Variants in JAKMIP1 observed in about 807,000 individuals in gnomAD.
JAKMIP1 encodes the protein janus kinase and microtubule interacting protein 1, also known as janus kinase and microtubule-interacting protein 1.
A neutral mutation model predicts 113.0 loss-of-function variants in JAKMIP1; 33 were observed. That is an observed-to-expected ratio of 0.29 (90% CI 0.22 to 0.39). The LOEUF (loss-of-function observed/expected upper bound fraction) is 0.39, where lower values mean the gene tolerates loss of function less well. Ranked by LOEUF, JAKMIP1 falls within the 10% of genes least tolerant of loss-of-function variation. The pLI is 1.00. For synonymous variants in JAKMIP1, 480 were observed against 459.9 expected (o/e 1.04, Z -0.56); for missense variants, 813 against 1,080.5 (o/e 0.75, Z 3.47).
chr4:6,099,320 G>T (rs1712611982), intron 3 of JAKMIP1, among the ~76,000 whole-genome samples: 1 of 151,976 alleles, frequency 6.6e-6, no homozygotes, highest in East Asian at 1.9e-4. Flanking sequence ...CTCTTTTAGT[G>T]CAAACAGATT....
chr4:6,121,598 C>T (rs969025597), intron 1 of JAKMIP1, among the ~76,000 whole-genome samples: 6 of 152,236 alleles, frequency 3.9e-5, no homozygotes, highest in African/African-American at 9.6e-5. Context: ...AGGCTGCCCC[C>T]GGACCTAGCA....
chr4:6,046,639 G>C (rs1715035558), intron 16 of JAKMIP1, among the ~76,000 whole-genome samples: 1 of 152,188 alleles, frequency 6.6e-6, no homozygotes, highest in African/African-American at 2.4e-5. Context: ...GGCGAGCAGA[G>C]CATGGTGAGG....
chr4:6,029,830 A>T (rs1276352738), intron 19 of JAKMIP1, 49 bp from the exon 20 acceptor site: 1 of 1,292,952 alleles, frequency 7.7e-7, no homozygotes, highest in Non-Finnish European at 1.1e-6. Flanking sequence ...TTCCAGGTTT[A>T]AAAACTCTGT....
At chr4:6,161,468 C>T (rs897047414) in intron 1 of JAKMIP1, among the ~76,000 whole-genome samples, 2 of 152,120 alleles carry the variant, frequency 1.3e-5, no homozygotes, top group Non-Finnish European at 2.9e-5. Context: ...GAGCCACACC[C>T]GCCTGAACGG....
chr4:6,166,846 C>A (rs1167356474), intron 1 of JAKMIP1, among the ~76,000 whole-genome samples: 1 of 152,130 alleles, frequency 6.6e-6, no homozygotes, highest in Non-Finnish European at 1.5e-5. Flanking sequence ...TGGTCTTGGG[C>A]AAGTTTCTTA....
intron 1 of JAKMIP1, among the ~76,000 whole-genome samples, chr4:6,159,984 C>T (rs1328455236): frequency 6.6e-6 from 1 of 152,120 alleles, no homozygotes; most frequent in Non-Finnish European, 1.5e-5. Context: ...CAGACACTCA[C>T]GGACGTCACA....
Position 6,162,687 on chromosome 4 carries a change from TA to T in JAKMIP1, c.-148+37565del, listed in dbSNP as rs1173091618. 6.6e-6 allele frequency among the ~76,000 whole-genome samples: 1 copy of T among 152,186 alleles called. No individual in the cohort carries two copies. The highest frequency in any genetic ancestry group is 1.9e-4 in the East Asian group (1 of 5,198). Reference sequence around the variant, plus strand: ...CGACAACCTGTTAAGGGCACAGCATTACCATCATTATCATCGTTCCCACTTT... The same window carrying T: ...CGACAACCTGTTAAGGGCACAGCATTCCATCATTATCATCGTTCCCACTTT... On this transcript the variant is annotated intron_variant, in intron 1 of 20. Transcript: ENST00000409021. This position sits in a 1 kb window ranked among gnomAD's most constrained non-coding sequence, Gnocchi z 5.6.
chr4:6,053,892 C>G, intron 13 of JAKMIP1, 158 bp downstream of exon 13: 3 of 1,520,260 alleles, frequency 2.0e-6, no homozygotes, highest in Non-Finnish European at 2.6e-6. Flanking sequence ...TCTGAACATA[C>G]AGATTTAAAA....
At position 6,081,775 on chromosome 4, in the gene JAKMIP1, C is replaced by G. The variant is rs748879792; in HGVS notation, c.955-20G>C. 2.5e-6 allele frequency: 4 copies of G among 1,613,934 alleles called. No individual in the cohort carries two copies. The highest frequency in any genetic ancestry group is 1.3e-5 in the African/African-American group (1 of 74,924). On this transcript the variant is annotated intron_variant, in intron 5 of 20. Coordinates refer to ENST00000409021, the MANE Select transcript of JAKMIP1 (RefSeq NM_001099433.2). This position sits in a 1 kb window ranked among gnomAD's most constrained non-coding sequence, Gnocchi z 4.6. ...TTTCAGCTGTGGTTGGAAACAGACA[C>G]AGAGGCTCAGACAACTTGACGACGG...
rs902589840 is a variant in JAKMIP1, at chr4:6,181,896, G to C, written c.-148+18357C>G. Among the ~76,000 whole-genome samples the C allele has an allele frequency of 6.6e-6, 1 of 152,054 alleles. No individual in the cohort carries two copies. The highest frequency in any genetic ancestry group is 1.5e-5 in the Non-Finnish European group (1 of 68,022). On this transcript the variant is annotated intron_variant, in intron 1 of 20. Transcript: ENST00000409021. The surrounding 1 kb of genome is among the most constrained non-coding windows in gnomAD (Gnocchi z 5.4). ...CAGACAGATGTACAGGGAGGGACCC[G>C]CCCTGGCCTTGGGAGGATGGGTGAT...
Position 6,097,100 on chromosome 4 carries a change from C to G in JAKMIP1, c.624+8373G>C, listed in dbSNP as rs1006601629. Among the ~76,000 whole-genome samples the G allele has an allele frequency of 2.0e-5, 3 of 152,284 alleles. No individual in the cohort carries two copies. Among genetic ancestry groups the G allele is most frequent in the Middle Eastern group, 3.4e-3 (1 of 294 alleles). ...CACAGTAGCCTCAATCTGCTGGCTT[C>G]AAGCAATCCTCCCACCTGGGCCTCC... is the stretch of plus-strand genomic sequence containing the variant. On this transcript the variant is annotated intron_variant, in intron 3 of 20. Transcript: ENST00000409021. The surrounding 1 kb of genome is among the most constrained non-coding windows in gnomAD (Gnocchi z 4.3).
At position 6,088,810 on chromosome 4, in the gene JAKMIP1, C is replaced by T. The variant is rs963638381; in HGVS notation, c.625-3181G>A. Reference sequence around the variant, plus strand: ...TGATGAAATCTCAAGCTTCCTGGAACTGCTCACCTGACCATATGGAACATC... The same window carrying T: ...TGATGAAATCTCAAGCTTCCTGGAATTGCTCACCTGACCATATGGAACATC... On this transcript the variant is annotated intron_variant, in intron 3 of 20. Coordinates refer to ENST00000409021, the MANE Select transcript of JAKMIP1 (RefSeq NM_001099433.2). This position sits in a 1 kb window ranked among gnomAD's most constrained non-coding sequence, Gnocchi z 5.5. Among the ~76,000 whole-genome samples the T allele has an allele frequency of 6.6e-6, 1 of 152,202 alleles. No individual in the cohort carries two copies. Among genetic ancestry groups the T allele is most frequent in the Non-Finnish European group, 1.5e-5 (1 of 68,034 alleles).
chr4:6,082,253 C>T (rs1485687794), intron 5 of JAKMIP1, among the ~76,000 whole-genome samples: 1 of 151,890 alleles, frequency 6.6e-6, no homozygotes, highest in Non-Finnish European at 1.5e-5. Flanking sequence ...AAGGGACTGA[C>T]TCTAGACCCC....
chr4:6,123,069 C>T (rs1242577029), intron 1 of JAKMIP1, among the ~76,000 whole-genome samples: 1 of 152,212 alleles, frequency 6.6e-6, no homozygotes, highest in African/African-American at 2.4e-5. Context: ...TGTTAACATT[C>T]TAATAATTTA....
chr4:6,144,132 C>T (rs1578372775), intron 1 of JAKMIP1, among the ~76,000 whole-genome samples: 1 of 152,184 alleles, frequency 6.6e-6, no homozygotes, highest in East Asian at 1.9e-4. Context: ...AAAAAAAGTG[C>T]AAATCTGATG....
In JAKMIP1 at chr4:6,192,769, A is replaced by C. The variant is rs1163812262; in HGVS notation, c.-148+7484T>G. 2.0e-5 allele frequency among the ~76,000 whole-genome samples: 3 copies of C among 152,122 alleles called. No homozygotes were observed. Among genetic ancestry groups the C allele is most frequent in the African/African-American group, 7.2e-5 (3 of 41,436 alleles). On this transcript the variant is annotated intron_variant, in intron 1 of 20. Transcript: ENST00000409021. The surrounding 1 kb of genome is among the most constrained non-coding windows in gnomAD (Gnocchi z 5.0). ...CTTCTGGGGAGGGGAAATGAGAATA[A>C]AATCATTTCAGATCATGATGATTCT...
intron 20 of JAKMIP1, among the ~76,000 whole-genome samples, chr4:6,027,485 C>G (rs866721544): frequency 6.6e-6 from 1 of 152,082 alleles, no homozygotes. Context: ...CTGGCAATGA[C>G]GAAGGGACCA....
At position 6,064,490 on chromosome 4, in the gene JAKMIP1, G is replaced by A. The variant is rs983129503; in HGVS notation, c.1431+390C>T. ...GAAAGCAATGATGCTGTTTCTGCCCGGTGGTGTGTCCGTGTGTGCACACAT... is the reference window on the plus strand; with the variant it reads ...GAAAGCAATGATGCTGTTTCTGCCCAGTGGTGTGTCCGTGTGTGCACACAT... On this transcript the variant is annotated intron_variant, in intron 9 of 20. Transcript: ENST00000409021. The surrounding 1 kb of genome is among the most constrained non-coding windows in gnomAD (Gnocchi z 4.3). 3.9e-5 allele frequency among the ~76,000 whole-genome samples: 6 copies of A among 152,162 alleles called. No homozygotes were observed. Among genetic ancestry groups the A allele is most frequent in the Non-Finnish European group, 1.5e-5 (1 of 68,034 alleles).
intron 11 of JAKMIP1, among the ~76,000 whole-genome samples, chr4:6,057,546 G>A (rs553518185): frequency 1.4e-4 from 22 of 152,326 alleles, no homozygotes; most frequent in African/African-American, 5.3e-4. Flanking sequence ...CCTGGCACCT[G>A]GCACCTGCAT....
Sources: allele counts gnomAD v4.1 joint callset (sites outside exome capture counted in the v4.1 genomes callset), GRCh38; gene constraint gnomAD v4.1.1; non-coding constraint Gnocchi (gnomAD v3.1); transcripts MANE v1.5; gene names NCBI Gene and HGNC (gene_info 2026-07-23, HGNC 2026-07-21).